The following NWD1 variants were observed in gnomAD, a reference collection of about 807,000 sequenced individuals.
NWD1 encodes NACHT domain- and WD repeat-containing protein 1.
NWD1 carries 129 observed loss-of-function variants against 135.1 expected under a neutral mutation model. That is an observed-to-expected ratio of 0.96 (90% confidence interval 0.83 to 1.11). The LOEUF is 1.11. Ranked by LOEUF, NWD1 falls within the 50% of genes least tolerant of loss-of-function variation. The probability of loss-of-function intolerance (pLI) is 0.00; values close to 1 mark genes in which losing one functional copy is unlikely to be tolerated. For synonymous variants in NWD1, 773 were observed against 786.0 expected, an observed-to-expected ratio of 0.98 and a Z score of 0.28; for missense variants, 1,740 against 1,851.3, an observed-to-expected ratio of 0.94 and a Z score of 1.10.
chr19:16,757,146 C>T (rs1457884930), intron 6 of NWD1, among the ~76,000 whole-genome samples: 1 of 151,954 alleles, frequency 6.6e-6, no homozygotes, highest in Non-Finnish European at 1.5e-5. Context: ...CTTGATCATC[C>T]CAAAACCATC....
At chr19:16,766,384 A>C (rs769003798) in intron 10 of NWD1, among the ~76,000 whole-genome samples, 2 of 152,162 alleles carry the variant, frequency 1.3e-5, no homozygotes, top group Non-Finnish European at 2.9e-5. Flanking sequence ...CCTGGGTGAC[A>C]GAGCGAGACC....
At chr19:16,801,448 AC>A (rs2123107071) in intron 17 of NWD1, 1 of 149,382 alleles carries the variant, frequency 6.7e-6, no homozygotes, top group South Asian at 2.1e-4. Flanking sequence ...CTAAAAACAA[AC>A]AAAAAAGCCA....
chr19:16,804,313 G>A (rs1018511228), intron 17 of NWD1, among the ~76,000 whole-genome samples: 3 of 152,162 alleles, frequency 2.0e-5, no homozygotes, highest in Non-Finnish European at 4.4e-5. Context: ...AGGTGTGGTG[G>A]CTCATGCCTG....
At chr19:16,782,866 T>C (rs535930237) in intron 12 of NWD1, among the ~76,000 whole-genome samples, 8 of 50,430 alleles carry the variant, frequency 1.6e-4, no homozygotes, top group African/African-American at 4.2e-4. Flanking sequence ...TTTTCCTTCT[T>C]TCTTTCTTTC....
At chr19:16,765,220 G>C in intron 10 of NWD1, 28 bp downstream of exon 10, 1 of 1,607,304 alleles carries the variant, frequency 6.2e-7, no homozygotes, top group Non-Finnish European at 8.5e-7. Context: ...GGATAGGAGT[G>C]ACCAGGACGG....
intron 1 of NWD1, among the ~76,000 whole-genome samples, chr19:16,723,430 C>T (rs1001830640): frequency 3.3e-5 from 5 of 152,148 alleles, no homozygotes; most frequent in Admixed American, 1.3e-4. Context: ...AACCCTTGGA[C>T]TCCCAAAGTG....
chr19:16,761,254 C>G (rs1650442052), intron 7 of NWD1, among the ~76,000 whole-genome samples: 2 of 151,948 alleles, frequency 1.3e-5, no homozygotes, highest in Non-Finnish European at 2.9e-5. Flanking sequence ...TTTTGTTTAT[C>G]TTCGTCTATG....
In NWD1 at chr19:16,744,713, G is replaced by A. The variant is rs868195008; in HGVS notation, c.491G>A (p.Arg164Gln). The A allele has an allele frequency of 4.2e-5, 64 of 1,535,654 alleles. No individual in the cohort carries two copies. In the Middle Eastern group the frequency reaches 6.7e-4, roughly 16 times the overall value. The change falls in exon 5 of 19, where the codon CGG becomes CAG. Residue 164 changes from arginine to glutamine, a missense_variant. Arg to Gln is a conservative substitution (Grantham distance 43). Coordinates refer to ENST00000524140, the MANE Select transcript of NWD1 (RefSeq NM_001007525.5). ...ITQEQWQHYH[R>Q]SVIEWEIERS... Reference sequence around the variant, plus strand: ...CAGGAGCAGTGGCAGCACTACCACCGGTCAGGTGAGGCCGCAGGGACTCCC... The same window carrying A: ...CAGGAGCAGTGGCAGCACTACCACCAGTCAGGTGAGGCCGCAGGGACTCCC...
intron 10 of NWD1, among the ~76,000 whole-genome samples, chr19:16,769,812 C>G (rs575662363): frequency 6.6e-6 from 1 of 152,302 alleles, no homozygotes; most frequent in East Asian, 1.9e-4. Flanking sequence ...TCACTGCACC[C>G]TGTTTTCCAT....
intron 2 of NWD1, among the ~76,000 whole-genome samples, chr19:16,725,548 CATTT>C (rs981627721): frequency 6.6e-6 from 1 of 151,704 alleles, no homozygotes; most frequent in East Asian, 1.9e-4. Flanking sequence ...TTTTATTGTT[CATTT>C]ATTTATTTAT....
intron 15 of NWD1, 69 bp from the exon 16 acceptor site, chr19:16,797,663 T>C: frequency 3.4e-6 from 5 of 1,452,210 alleles, no homozygotes; most frequent in Non-Finnish European, 4.7e-6. Context: ...AACACCTCTG[T>C]TGATGGAAGG....
chr19:16,723,676 C>CTGTTTTGTTT lies in NWD1; in HGVS notation c.-104-657_-104-648dup, dbSNP rs60100795. On this transcript the variant is annotated intron_variant, in intron 1 of 18. Transcript: ENST00000524140. ...ATGAGTACCTATTTTACAGCTTTTT[C>CTGTTTTGTTT]TGTTTTGTTTTGTTTTGTTTTGTTT... Among the ~76,000 whole-genome samples, 548 of 149,792 alleles carry CTGTTTTGTTT rather than the reference C, an allele frequency of 3.7e-3. 5 individuals are homozygous for CTGTTTTGTTT. Among genetic ancestry groups the CTGTTTTGTTT allele is most frequent in the African/African-American group, 7.9e-3 (319 of 40,534 alleles).
chr19:16,807,232 G>A (rs904790349), intron 17 of NWD1, among the ~76,000 whole-genome samples: 17 of 151,276 alleles, frequency 1.1e-4, no homozygotes, highest in African/African-American at 4.1e-4. Context: ...GGTGGCTCAC[G>A]CCTGTAATCC....
chr19:16,754,048 TCCATCCAC>T (rs1968683726), intron 6 of NWD1, among the ~76,000 whole-genome samples: 1 of 151,274 alleles, frequency 6.6e-6, no homozygotes, highest in African/African-American at 2.4e-5. Flanking sequence ...CATCCATCCA[TCCATCCAC>T]CCATCATCTC....
chr19:16,731,319 T>A (rs889581804), intron 3 of NWD1, 41 bp downstream of exon 3: 28 of 1,236,414 alleles, frequency 2.3e-5, no homozygotes, highest in African/African-American at 1.5e-4. Flanking sequence ...TTTTTTATTT[T>A]TTTTTGACAC....
intron 18 of NWD1, among the ~76,000 whole-genome samples, chr19:16,812,178 C>T (rs1368140407): frequency 6.6e-6 from 1 of 151,644 alleles, no homozygotes; most frequent in Non-Finnish European, 1.5e-5. Flanking sequence ...TGTGGTGGCA[C>T]ACACTTGTAA....
At chr19:16,806,550 T>C (rs1337225235) in intron 17 of NWD1, among the ~76,000 whole-genome samples, 1 of 151,916 alleles carries the variant, frequency 6.6e-6, no homozygotes, top group Non-Finnish European at 1.5e-5. Context: ...TAAAATCCCA[T>C]CTCTACAAAA....
At chr19:16,771,659 G>A (rs1969415927) in intron 10 of NWD1, among the ~76,000 whole-genome samples, 1 of 152,134 alleles carries the variant, frequency 6.6e-6, no homozygotes, top group Non-Finnish European at 1.5e-5. Flanking sequence ...TCCCTGCAAA[G>A]CCCCTTGATT....
At chr19:16,780,133 C>A (rs775480611) in intron 12 of NWD1, among the ~76,000 whole-genome samples, 1 of 151,456 alleles carries the variant, frequency 6.6e-6, no homozygotes, top group African/African-American at 2.4e-5. Flanking sequence ...CTTCAGGTCT[C>A]TCATCCCCAG....
Sources: gnomAD v4.1 joint callset for allele counts (sites outside exome capture counted in the v4.1 genomes callset) on GRCh38, gnomAD v4.1.1 for gene constraint, MANE v1.5 for transcripts, NCBI Gene and HGNC (gene_info 2026-07-23, HGNC 2026-07-21) for gene names.